The following CLDN9 variants were observed in gnomAD, a reference collection of about 807,000 sequenced individuals.
CLDN9 encodes the protein claudin-9.
Under a neutral mutation model 10.1 loss-of-function variants are expected in CLDN9, and 14 were observed. The ratio of observed to expected loss-of-function variants is 1.38; its 90% CI spans 0.91 to 2.16. The LOEUF is 2.16. Among genes scored for constraint, CLDN9 ranks in the 30% most tolerant of loss-of-function variants. The pLI is 0.00. For synonymous variants in CLDN9, 162 were observed against 143.1 expected, an observed-to-expected ratio of 1.13 and a Z score of -0.95; for missense variants, 332 against 294.8, an observed-to-expected ratio of 1.13 and a Z score of -0.93.
In CLDN9 at chr16:3,013,352, C is replaced by T. The variant is rs758324404; in HGVS notation, c.-11C>T. ...CCGCCTGGGGCTGAGAAGACCTAACCGAGGGGCCAGATGGCTTCGACCGGC... is the reference window on the plus strand; with the variant it reads ...CCGCCTGGGGCTGAGAAGACCTAACTGAGGGGCCAGATGGCTTCGACCGGC... On this transcript the variant is annotated 5_prime_UTR_variant, in exon 1 of 1. Transcript: ENST00000445369. The surrounding 1 kb of genome is among the most constrained non-coding windows in gnomAD (Gnocchi z 6.4). 1.7e-5 allele frequency: 27 copies of T among 1,603,004 alleles called. No individual in the cohort carries two copies. Among genetic ancestry groups the T allele is most frequent in the Admixed American group, 3.3e-5 (2 of 59,750 alleles).
chr16:3,013,937 G>A lies in CLDN9; in HGVS notation c.575G>A (p.Arg192Gln), dbSNP rs369508377. 181 of 1,577,524 alleles carry A rather than the reference G, an allele frequency of 1.1e-4. No individual in the cohort carries two copies. Among genetic ancestry groups the A allele is most frequent in the Middle Eastern group, 5.1e-4 (3 of 5,878 alleles). ...ACGTGCCCCCCGCCCCAGGTCGAGC[G>A]GCCCCGCGGACCTCGGCTGGGCTAC... Reference protein sequence around the residue: ...CCTCPPPQVERPRGPRLGYSI... With the variant: ...CCTCPPPQVEQPRGPRLGYSI... The change falls in exon 1 of 1, where the codon CGG becomes CAG. Residue 192 changes from arginine to glutamine, a missense_variant. Physicochemically the swap from Arg to Gln is conservative, Grantham distance 43 (BLOSUM62 1). Transcript: ENST00000445369. This position sits in a 1 kb window ranked among gnomAD's most constrained non-coding sequence, Gnocchi z 6.4.
chr16:3,014,126 C>A lies in CLDN9; in HGVS notation c.*110C>A. On this transcript the variant is annotated 3_prime_UTR_variant, in exon 1 of 1. Coordinates refer to ENST00000445369, the MANE Select transcript of CLDN9 (RefSeq NM_020982.4). Reference sequence around the variant, plus strand: ...CACAACCTCCTTCCCCAGGAAAACCCACTTTCCAAAAGCCCAAGCTACACC... The same window carrying A: ...CACAACCTCCTTCCCCAGGAAAACCAACTTTCCAAAAGCCCAAGCTACACC... 7.8e-7 allele frequency: 1 copy of A among 1,283,754 alleles called. No individual in the cohort carries two copies. The highest frequency in any genetic ancestry group is 2.5e-5 in the East Asian group (1 of 40,592). The allele number at this position is 1,283,754 out of a possible 1,614,324, so 79.5% of individuals were successfully genotyped here.
rs985152966 is a variant in CLDN9, at chr16:3,012,975, G to A, written c.-388G>A. On this transcript the variant is annotated 5_prime_UTR_variant, in exon 1 of 1. Coordinates refer to ENST00000445369, the MANE Select transcript of CLDN9 (RefSeq NM_020982.4). Reference sequence around the variant, plus strand: ...CGCTCAGTGGGAACCTGCGCCAGCCGGCAGGAGACGTGGCTGTCCTCAGCC... The same window carrying A: ...CGCTCAGTGGGAACCTGCGCCAGCCAGCAGGAGACGTGGCTGTCCTCAGCC... 9 of 234,400 alleles carry A rather than the reference G, an allele frequency of 3.8e-5. No homozygotes were observed. The highest frequency in any genetic ancestry group is 3.3e-4 in the South Asian group (5 of 15,272). The allele number at this position is 234,400 out of a possible 1,614,324, so 14.5% of individuals were successfully genotyped here.
In CLDN9 at chr16:3,013,971, C is replaced by T. The variant is rs762897419; in HGVS notation, c.609C>T (p.Pro203=). ...PRGPRLGYSI[P]SRSGASGLDK... ...GACCTCGGCTGGGCTACTCCATCCC[C>T]TCCCGCTCGGGTGCATCTGGACTGG... Residue 203 remains proline (P), a synonymous_variant, in exon 1 of 1, where the codon CCC becomes CCT. Coordinates refer to ENST00000445369, the MANE Select transcript of CLDN9 (RefSeq NM_020982.4). The surrounding 1 kb of genome is among the most constrained non-coding windows in gnomAD (Gnocchi z 6.4). 3.4e-5 allele frequency: 53 copies of T among 1,539,266 alleles called. 1 individual carries two copies. In the African/African-American group the frequency reaches 5.8e-4, roughly 17 times the overall value.
rs778039322 is a variant in CLDN9 at position 3,013,995 on chromosome 16, G to A, written c.633G>A (p.Leu211=). 2.6e-6 allele frequency: 4 copies of A among 1,520,316 alleles called. No homozygotes were observed. The African/African-American group carries it at 5.6e-5, about 21-fold the overall frequency. The allele number at this position is 1,520,316 out of a possible 1,614,324, so 94.2% of individuals were successfully genotyped here. A position where few individuals can be genotyped will look rare whatever the true frequency, so the allele number is the denominator to read the frequency against. The change falls in exon 1 of 1, where the codon CTG becomes CTA. Residue 211 remains leucine (L), a synonymous_variant. Coordinates refer to ENST00000445369, the MANE Select transcript of CLDN9 (RefSeq NM_020982.4). This position sits in a 1 kb window ranked among gnomAD's most constrained non-coding sequence, Gnocchi z 6.4. ...SIPSRSGASG[L]DKRDYV ...CCTCCCGCTCGGGTGCATCTGGACT[G>A]GACAAGAGGGACTACGTGTGAGGCG... is the stretch of plus-strand genomic sequence containing the variant.
In CLDN9 at chr16:3,013,046, C is replaced by T. The variant is rs1409076170; in HGVS notation, c.-317C>T. ...CTGTGCGAGCTCAGCCCAGGTGTGA[C>T]AGCGGGGTGGTAAGAGCAGCAGCAC... On this transcript the variant is annotated 5_prime_UTR_variant, in exon 1 of 1. Coordinates refer to ENST00000445369, the MANE Select transcript of CLDN9 (RefSeq NM_020982.4). The surrounding 1 kb of genome is among the most constrained non-coding windows in gnomAD (Gnocchi z 6.4). The T allele has an allele frequency of 8.7e-6, 3 of 345,936 alleles. No homozygotes were observed. The highest frequency in any genetic ancestry group is 6.3e-5 in the African/African-American group (3 of 47,694). The allele number at this position is 345,936 out of a possible 1,614,324, so 21.4% of individuals were successfully genotyped here.
At position 3,013,789 on chromosome 16, in the gene CLDN9, A is replaced by G. The variant is rs2072545610; in HGVS notation, c.427A>G (p.Ile143Val). Reference sequence around the variant, plus strand: ...CCCTGTGTGCTGGACGGCGCACGCCATCATCCAGGACTTCTACAACCCCCT... The same window carrying G: ...CCCTGTGTGCTGGACGGCGCACGCCGTCATCCAGGACTTCTACAACCCCCT... ...LIPVCWTAHA[I>V]IQDFYNPLVA... is the part of the protein sequence containing the mutation. Residue 143 changes from isoleucine to valine, a missense_variant, in exon 1 of 1, where the codon ATC becomes GTC. Transcript: ENST00000445369. The surrounding 1 kb of genome is among the most constrained non-coding windows in gnomAD (Gnocchi z 6.4). 1.9e-6 allele frequency: 3 copies of G among 1,613,234 alleles called. No individual in the cohort carries two copies. Among genetic ancestry groups the G allele is most frequent in the Non-Finnish European group, 1.7e-6 (2 of 1,179,948 alleles).
rs368045321 is a variant in CLDN9, at chr16:3,013,437, C to T, written c.75C>T (p.Cys25=). The change falls in exon 1 of 1, where the codon TGC becomes TGT. Residue 25 remains cysteine, a synonymous_variant. Coordinates refer to ENST00000445369, the MANE Select transcript of CLDN9 (RefSeq NM_020982.4). This position sits in a 1 kb window ranked among gnomAD's most constrained non-coding sequence, Gnocchi z 6.4. The stretch of plus-strand genomic sequence containing the variant: ...GCTGGCTGGGGACCCTGGTGTCCTG[C>T]GCCCTGCCCCTGTGGAAGGTGACCG... The part of the protein sequence containing the change: ...VLGWLGTLVS[C]ALPLWKVTAF... The T allele has an allele frequency of 1.4e-5, 22 of 1,613,932 alleles. No individual in the cohort carries two copies. Among genetic ancestry groups the T allele is most frequent in the South Asian group, 5.5e-5 (5 of 91,084 alleles).
Position 3,013,121 on chromosome 16 carries a change from C to G in CLDN9, c.-242C>G. ...GCCCCTCGAGGTGACACCCACCACTCAGCCGAGCGGGACTACGAGTCTGCT... is the reference window on the plus strand; with the variant it reads ...GCCCCTCGAGGTGACACCCACCACTGAGCCGAGCGGGACTACGAGTCTGCT... On this transcript the variant is annotated 5_prime_UTR_variant, in exon 1 of 1. Coordinates refer to ENST00000445369, the MANE Select transcript of CLDN9 (RefSeq NM_020982.4). The surrounding 1 kb of genome is among the most constrained non-coding windows in gnomAD (Gnocchi z 6.4). The G allele has an allele frequency of 1.8e-6, 1 of 553,268 alleles. No individual in the cohort carries two copies. The highest frequency in any genetic ancestry group is 3.2e-6 in the Non-Finnish European group (1 of 310,338). 34.3% of individuals were successfully genotyped at this position (553,268 alleles called of 1,614,324 possible).
Position 3,013,724 on chromosome 16 carries a change from C to CG in CLDN9, c.367dup (p.Val123GlyfsTer32). 6.2e-7 allele frequency: 1 copy of CG among 1,613,646 alleles called. No individual in the cohort carries two copies. The highest frequency in any genetic ancestry group is 8.5e-7 in the Non-Finnish European group (1 of 1,179,988). On this transcript the variant is annotated frameshift_variant, in exon 1 of 1. Coordinates refer to ENST00000445369, the MANE Select transcript of CLDN9 (RefSeq NM_020982.4). LOFTEE classifies it high-confidence loss of function. The surrounding 1 kb of genome is among the most constrained non-coding windows in gnomAD (Gnocchi z 6.4). ...GCCAAGGCCCGTATCGTGCTCACCG[C>CG]GGGGGTCATCCTCCTCCTCGCCGGC...
Position 3,012,980 on chromosome 16 carries a change from G to A in CLDN9, c.-383G>A, listed in dbSNP as rs2072537542. On this transcript the variant is annotated 5_prime_UTR_variant, in exon 1 of 1. Coordinates refer to ENST00000445369, the MANE Select transcript of CLDN9 (RefSeq NM_020982.4). ...AGTGGGAACCTGCGCCAGCCGGCAG[G>A]AGACGTGGCTGTCCTCAGCCTGGCA... 2 of 242,586 alleles carry A rather than the reference G, an allele frequency of 8.2e-6. No individual in the cohort carries two copies. Among genetic ancestry groups the A allele is most frequent in the Admixed American group, 5.0e-5 (1 of 19,942 alleles). 15.0% of individuals were successfully genotyped at this position (242,586 alleles called of 1,614,324 possible). A position where few individuals can be genotyped will look rare whatever the true frequency, so the allele number is the denominator to read the frequency against.
chr16:3,012,950 C>T lies in CLDN9; in HGVS notation c.-413C>T, dbSNP rs961552744. On this transcript the variant is annotated 5_prime_UTR_variant, in exon 1 of 1. Coordinates refer to ENST00000445369, the MANE Select transcript of CLDN9 (RefSeq NM_020982.4). ...AGTCCCCAGGTGGCACTGTCAGAGT[C>T]GCTCAGTGGGAACCTGCGCCAGCCG... The T allele has an allele frequency of 6.3e-5, 14 of 222,858 alleles. 1 individual carries two copies. In the Middle Eastern group the frequency reaches 5.3e-3, roughly 84 times the overall value. The allele number at this position is 222,858 out of a possible 1,614,324, so 13.8% of individuals were successfully genotyped here.
At position 3,013,172 on chromosome 16, in the gene CLDN9, C is replaced by T. The variant is rs1341730971; in HGVS notation, c.-191C>T. On this transcript the variant is annotated 5_prime_UTR_variant, in exon 1 of 1. Coordinates refer to ENST00000445369, the MANE Select transcript of CLDN9 (RefSeq NM_020982.4). This position sits in a 1 kb window ranked among gnomAD's most constrained non-coding sequence, Gnocchi z 6.4. ...TTGTGCTCCGCGAGGACCAGAAACACCTGCAAGAGGCACGGAGAGGAGGCG... is the reference window on the plus strand; with the variant it reads ...TTGTGCTCCGCGAGGACCAGAAACATCTGCAAGAGGCACGGAGAGGAGGCG... The T allele has an allele frequency of 1.6e-6, 1 of 636,748 alleles. No homozygotes were observed. The highest frequency in any genetic ancestry group is 2.7e-6 in the Non-Finnish European group (1 of 372,216). 39.4% of individuals were successfully genotyped at this position (636,748 alleles called of 1,614,324 possible). A position where few individuals can be genotyped will look rare whatever the true frequency, so the allele number is the denominator to read the frequency against.
At position 3,013,055 on chromosome 16, in the gene CLDN9, G is replaced by T; in HGVS notation, c.-308G>T. 2.7e-6 allele frequency: 1 copy of T among 374,980 alleles called. No homozygotes were observed. The highest frequency in any genetic ancestry group is 3.6e-5 in the South Asian group (1 of 28,112). The allele number at this position is 374,980 out of a possible 1,614,324, so 23.2% of individuals were successfully genotyped here. A position where few individuals can be genotyped will look rare whatever the true frequency, so the allele number is the denominator to read the frequency against. On this transcript the variant is annotated 5_prime_UTR_variant, in exon 1 of 1. Coordinates refer to ENST00000445369, the MANE Select transcript of CLDN9 (RefSeq NM_020982.4). The surrounding 1 kb of genome is among the most constrained non-coding windows in gnomAD (Gnocchi z 6.4). ...CTCAGCCCAGGTGTGACAGCGGGGT[G>T]GTAAGAGCAGCAGCACCCTCAGGGC...
rs2072538536 is a variant in CLDN9 at position 3,013,080 on chromosome 16, C to T, written c.-283C>T. ...GGTAAGAGCAGCAGCACCCTCAGGGCATCCGATGGGCGGAGGCCCCTCGAG... is the reference window on the plus strand; with the variant it reads ...GGTAAGAGCAGCAGCACCCTCAGGGTATCCGATGGGCGGAGGCCCCTCGAG... On this transcript the variant is annotated 5_prime_UTR_variant, in exon 1 of 1. Coordinates refer to ENST00000445369, the MANE Select transcript of CLDN9 (RefSeq NM_020982.4). The surrounding 1 kb of genome is among the most constrained non-coding windows in gnomAD (Gnocchi z 6.4). 6.5e-6 allele frequency: 3 copies of T among 460,454 alleles called. No individual in the cohort carries two copies. 28.5% of individuals were successfully genotyped at this position (460,454 alleles called of 1,614,324 possible). A position where few individuals can be genotyped will look rare whatever the true frequency, so the allele number is the denominator to read the frequency against.
At position 3,013,419 on chromosome 16, in the gene CLDN9, G is replaced by A; in HGVS notation, c.57G>A (p.Leu19=). 1.2e-6 allele frequency: 2 copies of A among 1,614,010 alleles called. No individual in the cohort carries two copies. Among genetic ancestry groups the A allele is most frequent in the Non-Finnish European group, 1.7e-6 (2 of 1,180,018 alleles). Reference sequence around the variant, plus strand: ...TGACCCTGGCTGTGCTGGGCTGGCTGGGGACCCTGGTGTCCTGCGCCCTGC... The same window carrying A: ...TGACCCTGGCTGTGCTGGGCTGGCTAGGGACCCTGGTGTCCTGCGCCCTGC... ...LGMTLAVLGW[L]GTLVSCALPL... Residue 19 remains leucine (L), a synonymous_variant, in exon 1 of 1, where the codon CTG becomes CTA. Coordinates refer to ENST00000445369, the MANE Select transcript of CLDN9 (RefSeq NM_020982.4). This position sits in a 1 kb window ranked among gnomAD's most constrained non-coding sequence, Gnocchi z 6.4.
chr16:3,014,259 GC>G lies in CLDN9; in HGVS notation c.*248del. The G allele has an allele frequency of 2.3e-6, 1 of 439,092 alleles. No homozygotes were observed. The allele number at this position is 439,092 out of a possible 1,614,324, so 27.2% of individuals were successfully genotyped here. A position where few individuals can be genotyped will look rare whatever the true frequency, so the allele number is the denominator to read the frequency against. On this transcript the variant is annotated 3_prime_UTR_variant, in exon 1 of 1. Coordinates refer to ENST00000445369, the MANE Select transcript of CLDN9 (RefSeq NM_020982.4). The stretch of plus-strand genomic sequence containing the variant: ...CTAGAGGTGTTGGGAACCCTGGCCT[GC>G]CCCCACCTCCCCAGTAATTGTTTCC...
Position 3,014,238 on chromosome 16 carries a change from A to G in CLDN9, c.*222A>G. The G allele has an allele frequency of 8.1e-6, 4 of 493,288 alleles. No homozygotes were observed. 30.6% of individuals were successfully genotyped at this position (493,288 alleles called of 1,614,324 possible). A position where few individuals can be genotyped will look rare whatever the true frequency, so the allele number is the denominator to read the frequency against. On this transcript the variant is annotated 3_prime_UTR_variant, in exon 1 of 1. Transcript: ENST00000445369. ...TTCTCCCCCAAGTTGGGCAGCCTAG[A>G]GGTGTTGGGAACCCTGGCCTGCCCC...
rs915237113 is a variant in CLDN9, at chr16:3,013,305, C to T, written c.-58C>T. ...AGAGACACCCACCCAGCACACCAGA[C>T]ACACCCTCTGAGTCACCTAGGCCGC... On this transcript the variant is annotated 5_prime_UTR_variant, in exon 1 of 1. Coordinates refer to ENST00000445369, the MANE Select transcript of CLDN9 (RefSeq NM_020982.4). The surrounding 1 kb of genome is among the most constrained non-coding windows in gnomAD (Gnocchi z 6.4). The T allele has an allele frequency of 2.7e-5, 42 of 1,539,536 alleles. No individual in the cohort carries two copies. The Admixed American group carries it at 7.6e-4, about 28-fold the overall frequency.
Sources: allele counts gnomAD v4.1 joint callset, GRCh38; gene constraint gnomAD v4.1.1; non-coding constraint Gnocchi (gnomAD v3.1); transcripts MANE v1.5; gene names NCBI Gene and HGNC (gene_info 2026-07-23, HGNC 2026-07-21).